SPAST: variants seen among roughly 807,000 people sequenced by gnomAD.
SPAST encodes spastic paraplegia 4 (autosomal dominant; spastin).
In SPAST, 30 loss-of-function variants were observed where a neutral mutation model predicts 76.6. That is an observed-to-expected ratio of 0.39 (90% CI 0.29 to 0.53). The LOEUF is 0.53. Among genes scored for constraint, SPAST ranks in the 20% least tolerant of loss-of-function variants. SPAST has a pLI of 0.68. For synonymous variants in SPAST, 305 were observed against 281.0 expected, an observed-to-expected ratio of 1.09 and a Z score of -0.86; for missense variants, 717 against 770.5, an observed-to-expected ratio of 0.93 and a Z score of 0.82.
At chr2:32,094,188 G>A (rs1377301086) in intron 3 of SPAST, among the ~76,000 whole-genome samples, 1 of 152,130 alleles carries the variant, frequency 6.6e-6, no homozygotes, top group African/African-American at 2.4e-5. Flanking sequence ...GACCTTCTGA[G>A]TTATTGAAAG....
At chr2:32,137,389 G>T (rs1012297532) in intron 12 of SPAST, among the ~76,000 whole-genome samples, 9 of 152,148 alleles carry the variant, frequency 5.9e-5, no homozygotes, top group African/African-American at 2.2e-4. Context: ...GTCTAGTAAA[G>T]GTTTAGTTAC....
chr2:32,105,826 C>T (rs963854920), intron 4 of SPAST, among the ~76,000 whole-genome samples: 3 of 152,148 alleles, frequency 2.0e-5, no homozygotes, highest in South Asian at 2.1e-4. Context: ...CTGGAACCTT[C>T]GTCTGACAGG....
intron 1 of SPAST, among the ~76,000 whole-genome samples, chr2:32,073,941 A>G (rs1302342960): frequency 6.6e-6 from 1 of 152,202 alleles, no homozygotes; most frequent in Admixed American, 6.5e-5. Context: ...AATTAACTTC[A>G]TAAGTGGGCT....
intron 3 of SPAST, among the ~76,000 whole-genome samples, chr2:32,095,137 A>G (rs1048329019): frequency 6.6e-6 from 1 of 152,236 alleles, no homozygotes; most frequent in African/African-American, 2.4e-5. Context: ...GGCTTGCACC[A>G]GGGTAGTATC....
chr2:32,115,746 A>T lies in SPAST; in HGVS notation c.915A>T (p.Thr305=). The T allele has an allele frequency of 6.2e-7, 1 of 1,611,392 alleles. No homozygotes were observed. Among genetic ancestry groups the T allele is most frequent in the Non-Finnish European group, 8.5e-7 (1 of 1,177,864 alleles). Residue 305 remains threonine, a synonymous_variant, in exon 6 of 17, where the codon ACA becomes ACT. Transcript: ENST00000315285. ...GGACAAATAAACCTTCTACCCCTAC[A>T]ACTGCTACTCGTAAGAAAAAAGACT... is the stretch of plus-strand genomic sequence containing the variant. ...TNRTNKPSTP[T]TATRKKKDLK...
chr2:32,090,445 C>T (rs976722417), intron 3 of SPAST, among the ~76,000 whole-genome samples: 1 of 152,054 alleles, frequency 6.6e-6, no homozygotes. Context: ...TCATATTATA[C>T]CTCTAAAAGA....
At chr2:32,069,032 G>A (rs1369036449) in intron 1 of SPAST, among the ~76,000 whole-genome samples, 8 of 152,142 alleles carry the variant, frequency 5.3e-5, no homozygotes, top group Admixed American at 2.6e-4. Context: ...CAACATATTA[G>A]TGAAACCCCG....
rs185728129 is a variant in SPAST, at chr2:32,128,570, T to A, written c.1245+91T>A. 4.3e-4 allele frequency: 366 copies of A among 860,540 alleles called. 1 individual carries two copies. Among genetic ancestry groups the A allele is most frequent in the Non-Finnish European group, 5.7e-4 (294 of 514,880 alleles). The allele number at this position is 860,540 out of a possible 1,614,324, so 53.3% of individuals were successfully genotyped here. A position where few individuals can be genotyped will look rare whatever the true frequency, so the allele number is the denominator to read the frequency against. Reference sequence around the variant, plus strand: ...TAAATGGTAATATTTCATGAAAATATTTTTCTAGGAGCTTATCTATTGTAT... The same window carrying A: ...TAAATGGTAATATTTCATGAAAATAATTTTCTAGGAGCTTATCTATTGTAT... On this transcript the variant is annotated intron_variant, in intron 9 of 16. Transcript: ENST00000315285.
chr2:32,082,567 G>A (rs1221712340), intron 1 of SPAST, among the ~76,000 whole-genome samples: 5 of 151,900 alleles, frequency 3.3e-5, no homozygotes, highest in South Asian at 2.1e-4. Flanking sequence ...GTGGTGGCAC[G>A]TGCCTTTCAT....
At chr2:32,109,949 C>CATATGT (rs1231130303) in intron 4 of SPAST, among the ~76,000 whole-genome samples, 8 of 128,070 alleles carry the variant, frequency 6.2e-5, no homozygotes, top group African/African-American at 1.7e-4. Flanking sequence ...TATATAGTTA[C>CATATGT]ATATGTATAT....
At chr2:32,120,184 C>T (rs537063615) in intron 7 of SPAST, among the ~76,000 whole-genome samples, 1 of 152,060 alleles carries the variant, frequency 6.6e-6, no homozygotes, top group Non-Finnish European at 1.5e-5. Context: ...TAAACATAAG[C>T]CTTTCTTCTT....
At chr2:32,112,436 C>T (rs1399232952) in intron 4 of SPAST, among the ~76,000 whole-genome samples, 2 of 150,906 alleles carry the variant, frequency 1.3e-5, no homozygotes, top group African/African-American at 4.9e-5. Flanking sequence ...CAATCTCTGC[C>T]TCCTTGGTTC....
intron 1 of SPAST, among the ~76,000 whole-genome samples, chr2:32,085,339 C>A (rs1573065023): frequency 6.6e-6 from 1 of 151,784 alleles, no homozygotes. Flanking sequence ...CCTCAGTCCC[C>A]CAAGTAGATG....
chr2:32,066,960 G>A (rs1676537084), intron 1 of SPAST, among the ~76,000 whole-genome samples: 1 of 72,052 alleles, frequency 1.4e-5, no homozygotes, highest in Admixed American at 1.9e-4. Flanking sequence ...GGTGACAGGA[G>A]TAAAACTGTC....
intron 4 of SPAST, among the ~76,000 whole-genome samples, chr2:32,106,047 A>C (rs907439953): frequency 7.2e-5 from 11 of 152,176 alleles, no homozygotes; most frequent in African/African-American, 2.4e-4. Context: ...CAGCTATCCC[A>C]TGTCCCCAGA....
intron 1 of SPAST, among the ~76,000 whole-genome samples, chr2:32,082,262 G>T (rs1677265279): frequency 6.6e-6 from 1 of 150,606 alleles, no homozygotes; most frequent in Non-Finnish European, 1.5e-5. Flanking sequence ...CAAAGTGCTG[G>T]GATTACAGCC....
chr2:32,077,293 A>G (rs1298099804), intron 1 of SPAST, among the ~76,000 whole-genome samples: 3 of 152,186 alleles, frequency 2.0e-5, no homozygotes, highest in Admixed American at 6.6e-5. Context: ...GAGAATACTT[A>G]AGGATTAAAT....
chr2:32,098,765 T>G (rs575295747), intron 3 of SPAST, 31 bp from the exon 4 acceptor site: 14 of 1,406,792 alleles, frequency 1.0e-5, no homozygotes, highest in Non-Finnish European at 1.4e-5. Flanking sequence ...TTTGTTTATT[T>G]TTTCTGTTTT....
intron 16 of SPAST, among the ~76,000 whole-genome samples, chr2:32,150,950 A>ATTTTTTTTT (rs1553320573): frequency 2.9e-5 from 3 of 102,006 alleles, no homozygotes; most frequent in East Asian, 4.6e-4. Context: ...TCTACTGTAT[A>ATTTTTTTTT]CTTTTTTTTT....
Sources: gnomAD v4.1 joint callset for allele counts (sites outside exome capture counted in the v4.1 genomes callset) on GRCh38, gnomAD v4.1.1 for gene constraint, MANE v1.5 for transcripts, NCBI Gene and HGNC (gene_info 2026-07-23, HGNC 2026-07-21) for gene names.